POLR3B: variants seen among roughly 807,000 people sequenced by gnomAD.
The protein encoded by POLR3B is RNA polymerase III subunit B.
In POLR3B, 96 loss-of-function variants were observed where a neutral mutation model predicts 147.4. The observed-to-expected ratio is 0.65, with a 90% CI of 0.55 to 0.77. The LOEUF is 0.77. Among genes scored for constraint, POLR3B ranks in the 30% least tolerant of loss-of-function variants. The pLI is 0.00. For synonymous variants in POLR3B, 461 were observed against 485.9 expected, an observed-to-expected ratio of 0.95 and a Z score of 0.67; for missense variants, 1,036 against 1,413.5, an observed-to-expected ratio of 0.73 and a Z score of 4.28.
chr12:106,494,977 A>G (rs900615585), intron 23 of POLR3B, among the ~76,000 whole-genome samples: 2 of 152,252 alleles, frequency 1.3e-5, no homozygotes, highest in African/African-American at 2.4e-5. Context: ...AATAGTTTGA[A>G]TAATTACATA....
At chr12:106,491,100 T>G (rs769770661) in intron 23 of POLR3B, among the ~76,000 whole-genome samples, 14 of 152,212 alleles carry the variant, frequency 9.2e-5, no homozygotes, top group Non-Finnish European at 1.8e-4. Context: ...TGAGAGTAAT[T>G]AGGTTTCTTA....
intron 19 of POLR3B, among the ~76,000 whole-genome samples, chr12:106,447,400 G>GT (rs1321308122): frequency 2.6e-5 from 4 of 152,168 alleles, no homozygotes; most frequent in Non-Finnish European, 5.9e-5. Flanking sequence ...AGCAGAGGGT[G>GT]TTTTTTAAAT....
At chr12:106,417,207 T>G (rs778003547) in intron 12 of POLR3B, among the ~76,000 whole-genome samples, 1 of 152,256 alleles carries the variant, frequency 6.6e-6, no homozygotes, top group Non-Finnish European at 1.5e-5. Context: ...GAGAAGTTGC[T>G]CTCATGCAGC....
At chr12:106,460,671 C>T (rs6650215) in intron 22 of POLR3B, among the ~76,000 whole-genome samples, 4,380 of 152,208 alleles carry the variant, frequency 0.029, 182 homozygotes, top group African/African-American at 0.099. Flanking sequence ...GCTCTCTTCC[C>T]GTCTTGAAGG....
At chr12:106,458,964 A>C (rs1199217223) in intron 21 of POLR3B, among the ~76,000 whole-genome samples, 2 of 152,154 alleles carry the variant, frequency 1.3e-5, no homozygotes, top group Non-Finnish European at 2.9e-5. Flanking sequence ...ATTTACTGAG[A>C]TGATGTTTCT....
intron 16 of POLR3B, among the ~76,000 whole-genome samples, chr12:106,435,039 C>A (rs1368999683): frequency 6.6e-6 from 1 of 152,174 alleles, no homozygotes; most frequent in Non-Finnish European, 1.5e-5. Flanking sequence ...TGTTAAACCT[C>A]ATTTTCTGGA....
intron 10 of POLR3B, among the ~76,000 whole-genome samples, chr12:106,400,957 G>A (rs2037056210): frequency 6.6e-6 from 1 of 152,110 alleles, no homozygotes; most frequent in African/African-American, 2.4e-5. Context: ...CTAGCAGAAG[G>A]CAAGATATAA....
chr12:106,375,971 A>G (rs545469457), intron 6 of POLR3B, among the ~76,000 whole-genome samples: 1 of 152,252 alleles, frequency 6.6e-6, no homozygotes, highest in African/African-American at 2.4e-5. Context: ...CAGCCTCCTG[A>G]GTAGCTGGGA....
At chr12:106,414,431 A>G (rs2037274262) in intron 12 of POLR3B, among the ~76,000 whole-genome samples, 2 of 151,778 alleles carry the variant, frequency 1.3e-5, no homozygotes, top group Non-Finnish European at 1.5e-5. Flanking sequence ...GGGGATATGT[A>G]TTTTCTTTTT....
intron 14 of POLR3B, among the ~76,000 whole-genome samples, chr12:106,432,094 T>G (rs1263555383): frequency 6.6e-6 from 1 of 152,230 alleles, no homozygotes; most frequent in Non-Finnish European, 1.5e-5. Flanking sequence ...AGCATTTCTG[T>G]ATCTAAATCT....
chr12:106,369,534 C>A (rs780702666), intron 5 of POLR3B, 49 bp from the exon 6 acceptor site: 1 of 1,256,026 alleles, frequency 8.0e-7, no homozygotes. Context: ...TGGTCAGGAC[C>A]CTGTTGCAGA....
At chr12:106,400,405 G>A (rs2037045505) in intron 10 of POLR3B, among the ~76,000 whole-genome samples, 1 of 152,116 alleles carries the variant, frequency 6.6e-6, no homozygotes. Flanking sequence ...ACACCCCACT[G>A]TCAACATTAG....
intron 23 of POLR3B, among the ~76,000 whole-genome samples, chr12:106,468,666 G>T (rs1227634075): frequency 1.3e-5 from 2 of 152,156 alleles, no homozygotes; most frequent in Non-Finnish European, 2.9e-5. Context: ...TGGTTTCAAA[G>T]AACATCTTTA....
chr12:106,463,554 A>G lies in POLR3B; in HGVS notation c.2647A>G (p.Met883Val). Residue 883 changes from methionine (M) to valine (V), a missense_variant, in exon 23 of 28, where the codon ATG becomes GTG. By Grantham distance (21) the Met-to-Val change is conservative. Around this residue, in one of 12 missense-constraint regions of POLR3B, gnomAD observed 202 missense variants for 272.8 expected, o/e 0.74. Coordinates refer to ENST00000228347, the MANE Select transcript of POLR3B (RefSeq NM_018082.6). ...TGCTGAAGATGCTTTTCTGATCAAA[A>G]TGCTGCTGAGACAGACAAGGCGTCC... ...SNAEDAFLIK[M>V]LLRQTRRPEI... is the part of the protein sequence containing the mutation. 6.2e-7 allele frequency: 1 copy of G among 1,613,670 alleles called. No individual in the cohort carries two copies. The highest frequency in any genetic ancestry group is 8.5e-7 in the Non-Finnish European group (1 of 1,179,584).
chr12:106,459,135 T>C, intron 21 of POLR3B, 116 bp from the exon 22 acceptor site: 1 of 730,796 alleles, frequency 1.4e-6, no homozygotes, highest in South Asian at 1.4e-5. Flanking sequence ...GCAGTCCTCC[T>C]ACCGCAGCCT....
rs1490875314 is a variant in POLR3B, at chr12:106,417,595, A to C, written c.1101+6635A>C. 4.6e-5 allele frequency among the ~76,000 whole-genome samples: 7 copies of C among 152,318 alleles called. No homozygotes were observed. The East Asian group carries it at 1.3e-3, about 29-fold the overall frequency. Reference sequence around the variant, plus strand: ...TGGGATGATCACAGCAGATAGTACCACAACTAAAATTTAAAAACTAGAATT... The same window carrying C: ...TGGGATGATCACAGCAGATAGTACCCCAACTAAAATTTAAAAACTAGAATT... On this transcript the variant is annotated intron_variant, in intron 12 of 27. Coordinates refer to ENST00000228347, the MANE Select transcript of POLR3B (RefSeq NM_018082.6).
rs2037029462 is a variant in POLR3B, at chr12:106,399,422, A to C, written c.846+6269A>C. 2.0e-5 allele frequency among the ~76,000 whole-genome samples: 3 copies of C among 152,190 alleles called. No homozygotes were observed. In the South Asian group the frequency reaches 6.2e-4, roughly 31 times the overall value. On this transcript the variant is annotated intron_variant, in intron 10 of 27. Coordinates refer to ENST00000228347, the MANE Select transcript of POLR3B (RefSeq NM_018082.6). ...CACTCTGCAGGATATTATCCAGGAG[A>C]ACTTCCCCAATCTAGCAAGGCAGGC...
chr12:106,404,034 G>C (rs1355206039), intron 10 of POLR3B, among the ~76,000 whole-genome samples: 2 of 150,990 alleles, frequency 1.3e-5, no homozygotes, highest in African/African-American at 4.9e-5. Flanking sequence ...TATATACCTT[G>C]TTCCAAAATG....
chr12:106,493,505 C>A (rs1011228557), intron 23 of POLR3B, among the ~76,000 whole-genome samples: 2 of 152,266 alleles, frequency 1.3e-5, no homozygotes, highest in Admixed American at 6.5e-5. Flanking sequence ...ATTTGAGATT[C>A]GAGATCATCA....
Sources: gnomAD v4.1 joint callset for allele counts (sites outside exome capture counted in the v4.1 genomes callset) on GRCh38, gnomAD v4.1.1 for gene constraint, gnomAD v4.1.1 regional missense constraint, MANE v1.5 for transcripts, NCBI Gene and HGNC (gene_info 2026-07-23, HGNC 2026-07-21) for gene names.